ENOX2: variants seen among roughly 807,000 people sequenced by gnomAD.
The protein encoded by ENOX2 is APK1 antigen.
In ENOX2, 36 loss-of-function variants were observed where a neutral mutation model predicts 45.0. The ratio of observed to expected loss-of-function variants is 0.80; its 90% CI spans 0.61 to 1.06. The LOEUF is 1.06. Among genes scored for constraint, ENOX2 ranks in the 50% least tolerant of loss-of-function variants. The pLI is 0.00. For synonymous variants in ENOX2, 174 were observed against 152.3 expected (o/e 1.14, Z -1.05); for missense variants, 423 against 462.5 (o/e 0.91, Z 0.78).
intron 2 of ENOX2, among the ~76,000 whole-genome samples, chrX:130,845,901 G>A (rs1005237763): frequency 3.6e-5 from 4 of 112,233 alleles, no homozygotes; most frequent in South Asian, 7.3e-4. Flanking sequence ...AAGTAGTAAT[G>A]TACAGAAAAA....
chrX:130,698,274 G>C (rs5975222), intron 4 of ENOX2, among the ~76,000 whole-genome samples: 1 of 110,685 alleles, frequency 9.0e-6, no homozygotes, highest in African/African-American at 3.3e-5. Context: ...CAGAACTCAT[G>C]CATATTCATA....
chrX:130,653,919 T>C (rs1396650983), intron 10 of ENOX2, among the ~76,000 whole-genome samples: 1 of 112,095 alleles, frequency 8.9e-6, no homozygotes, highest in Admixed American at 9.4e-5. Context: ...ACCACCAGCA[T>C]CGAAATCATT....
chrX:130,703,534 CTCTT>C (rs755600245), intron 3 of ENOX2, among the ~76,000 whole-genome samples: 6 of 110,064 alleles, frequency 5.5e-5, no homozygotes, highest in Admixed American at 9.7e-5. Flanking sequence ...CTCTCTCTCT[CTCTT>C]TTTTCAAGCA....
intron 6 of ENOX2, among the ~76,000 whole-genome samples, chrX:130,674,169 T>C (rs1407589906): frequency 9.2e-6 from 1 of 109,139 alleles, no homozygotes; most frequent in African/African-American, 3.3e-5. Flanking sequence ...GGAATGAGGG[T>C]TGAAAATTAA....
At position 130,622,960 on chromosome X, in the gene ENOX2, G is replaced by A. The variant is rs2035460599; in HGVS notation, c.*2354C>T. ...CAGTTTTGAGTCCAAAGGCAGTCTC[G>A]AAGCAGAATTCCCTCCTCAGGGGAC... is the stretch of plus-strand genomic sequence containing the variant. On this transcript the variant is annotated 3_prime_UTR_variant, in exon 15 of 15. Coordinates refer to ENST00000394363, the MANE Select transcript of ENOX2 (RefSeq NM_006375.4). Among the ~76,000 whole-genome samples, 1 of 111,365 alleles carries A rather than the reference G, an allele frequency of 9.0e-6. No individual in the cohort carries two copies. Among genetic ancestry groups the A allele is most frequent in the African/African-American group, 3.3e-5 (1 of 30,624 alleles).
chrX:130,767,032 A>C (rs1002884448), intron 3 of ENOX2, among the ~76,000 whole-genome samples: 3 of 111,701 alleles, frequency 2.7e-5, no homozygotes, highest in African/African-American at 6.5e-5. Context: ...CTACTTCATA[A>C]GAATGTTGCA....
At chrX:130,735,446 C>T (rs758566135) in intron 3 of ENOX2, among the ~76,000 whole-genome samples, 1 of 111,762 alleles carries the variant, frequency 8.9e-6, no homozygotes, top group Non-Finnish European at 1.9e-5. Context: ...GCTGGGTATA[C>T]TAATTCAACC....
intron 3 of ENOX2, among the ~76,000 whole-genome samples, chrX:130,730,796 T>A (rs1354145556): frequency 9.0e-6 from 1 of 110,925 alleles, no homozygotes; most frequent in African/African-American, 3.3e-5. Context: ...AGGTCACAGG[T>A]AGATTTAAAT....
At chrX:130,742,033 G>A (rs1016129360) in intron 3 of ENOX2, among the ~76,000 whole-genome samples, 1 of 111,181 alleles carries the variant, frequency 9.0e-6, no homozygotes, top group African/African-American at 3.3e-5. Flanking sequence ...CACTCTCTAT[G>A]GCCACATGTA....
At chrX:130,829,576 T>C (rs1029713633) in intron 2 of ENOX2, among the ~76,000 whole-genome samples, 1 of 111,816 alleles carries the variant, frequency 8.9e-6, no homozygotes, top group Non-Finnish European at 1.9e-5. Flanking sequence ...TTCAGACATT[T>C]TCTGGCCCAA....
intron 13 of ENOX2, among the ~76,000 whole-genome samples, chrX:130,630,261 G>A (rs142217981): frequency 0.014 from 1,578 of 111,224 alleles, 8 homozygotes; most frequent in East Asian, 0.043. Flanking sequence ...AAATTAACAT[G>A]TGGTCTTTGT....
At chrX:130,763,180 T>C (rs2039533255) in intron 3 of ENOX2, among the ~76,000 whole-genome samples, 1 of 111,725 alleles carries the variant, frequency 9.0e-6, no homozygotes, top group South Asian at 3.8e-4. Context: ...TTGCTTATTG[T>C]GTTCTTTCTT....
chrX:130,684,942 C>A (rs187225589), intron 5 of ENOX2, among the ~76,000 whole-genome samples: 83 of 110,720 alleles, frequency 7.5e-4, no homozygotes, highest in Admixed American at 6.7e-3. Flanking sequence ...CTGGCCTGGG[C>A]AACAGAGGGA....
chrX:130,757,888 C>A (rs2039390388), intron 3 of ENOX2, among the ~76,000 whole-genome samples: 1 of 110,902 alleles, frequency 9.0e-6, no homozygotes, highest in Non-Finnish European at 1.9e-5. Flanking sequence ...CACACACCAC[C>A]ACCCCTGGCT....
intron 4 of ENOX2, among the ~76,000 whole-genome samples, chrX:130,698,134 T>C (rs2037809398): frequency 8.9e-6 from 1 of 111,774 alleles, no homozygotes; most frequent in African/African-American, 3.3e-5. Flanking sequence ...AATCATGATG[T>C]GCTTGTTCCC....
At chrX:130,668,124 G>A (rs1032836895) in intron 7 of ENOX2, among the ~76,000 whole-genome samples, 3 of 110,315 alleles carry the variant, frequency 2.7e-5, no homozygotes, top group Middle Eastern at 4.7e-3. Flanking sequence ...GCAGAGGGGA[G>A]ACAGAGAGAC....
rs199529143 is a variant in ENOX2 at position 130,671,212 on chromosome X, T to A, written c.461-1014A>T. On this transcript the variant is annotated intron_variant, in intron 6 of 14. Coordinates refer to ENST00000394363, the MANE Select transcript of ENOX2 (RefSeq NM_006375.4). ...CATAGACTTTTGCTTCTGGCTAAGA[T>A]AGAGTAACGGGTTAGATTTGTCCTC... Among the ~76,000 whole-genome samples the A allele has an allele frequency of 4.5e-5, 5 of 112,048 alleles. No individual in the cohort carries two copies. In the East Asian group the frequency reaches 1.4e-3, roughly 31 times the overall value.
chrX:130,649,811 C>T (rs1321011524), intron 10 of ENOX2, among the ~76,000 whole-genome samples: 1 of 111,567 alleles, frequency 9.0e-6, no homozygotes, highest in Non-Finnish European at 1.9e-5. Context: ...GCACTAACAA[C>T]CACAACATCA....
At chrX:130,843,080 C>T (rs2078041621) in intron 2 of ENOX2, among the ~76,000 whole-genome samples, 1 of 111,583 alleles carries the variant, frequency 9.0e-6, no homozygotes, top group African/African-American at 3.3e-5. Context: ...ACTATATATG[C>T]TGATAACTTT....
Sources: gnomAD v4.1 joint callset for allele counts (sites outside exome capture counted in the v4.1 genomes callset) on GRCh38, gnomAD v4.1.1 for gene constraint, MANE v1.5 for transcripts, NCBI Gene and HGNC (gene_info 2026-07-23, HGNC 2026-07-21) for gene names.